The following SLC31A1 variants were observed in gnomAD, a reference collection of about 807,000 sequenced individuals.
The protein encoded by SLC31A1 is high affinity copper uptake protein 1.
SLC31A1 carries 5 observed loss-of-function variants against 17.2 expected under a neutral mutation model. The ratio of observed to expected loss-of-function variants is 0.29; its 90% CI spans 0.15 to 0.61. The LOEUF (loss-of-function observed/expected upper bound fraction) is 0.61. SLC31A1 is among the 20% of genes least tolerant of loss of function. The probability of loss-of-function intolerance (pLI) is 0.86; values close to 1 mark genes in which losing one functional copy is unlikely to be tolerated. For synonymous variants in SLC31A1, 76 were observed against 78.8 expected (o/e 0.96, Z 0.19); for missense variants, 161 against 241.4 (o/e 0.67, Z 2.21).
intron 1 of SLC31A1, among the ~76,000 whole-genome samples, chr9:113,235,297 T>G (rs1831444570): frequency 6.6e-6 from 1 of 152,166 alleles, no homozygotes; most frequent in Non-Finnish European, 1.5e-5. Flanking sequence ...CCAGAATGGC[T>G]AAAATTAAGT....
intron 1 of SLC31A1, among the ~76,000 whole-genome samples, chr9:113,223,935 A>G (rs1203046225): frequency 6.6e-6 from 1 of 152,240 alleles, no homozygotes; most frequent in African/African-American, 2.4e-5. Context: ...ACTTAGGGCC[A>G]TTAGTTGGTT....
intron 1 of SLC31A1, among the ~76,000 whole-genome samples, chr9:113,248,835 G>C (rs1831614268): frequency 6.6e-6 from 1 of 152,048 alleles, no homozygotes; most frequent in Non-Finnish European, 1.5e-5. Context: ...GACAAGTCAA[G>C]GGTTGTCTTA....
At chr9:113,244,155 C>CAAAAAA (rs1200835310) in intron 1 of SLC31A1, among the ~76,000 whole-genome samples, 9 of 41,262 alleles carry the variant, frequency 2.2e-4, no homozygotes, top group South Asian at 1.1e-3. Flanking sequence ...AACTCCATCT[C>CAAAAAA]AAAAAAAAAA....
intron 1 of SLC31A1, among the ~76,000 whole-genome samples, chr9:113,233,457 G>A (rs542745035): frequency 3.9e-5 from 6 of 152,268 alleles, no homozygotes; most frequent in Admixed American, 2.0e-4. Context: ...TCAGCAAAAC[G>A]GTGTACTTCC....
Position 113,261,702 on chromosome 9 carries a change from C to T in SLC31A1, c.*1229C>T, listed in dbSNP as rs956660729. On this transcript the variant is annotated 3_prime_UTR_variant, in exon 5 of 5. Transcript: ENST00000374212. ...ATCACCTGTAGGGCTTGTTAAAACA[C>T]TAATTGCTGGGCCTCAACCCAAAAG... is the stretch of plus-strand genomic sequence containing the variant. The T allele has an allele frequency of 2.0e-5, 3 of 152,492 alleles. No homozygotes were observed. Among genetic ancestry groups the T allele is most frequent in the Non-Finnish European group, 4.4e-5 (3 of 68,034 alleles). 9.4% of individuals were successfully genotyped at this position (152,492 alleles called of 1,614,324 possible). A position where few individuals can be genotyped will look rare whatever the true frequency, so the allele number is the denominator to read the frequency against.
At position 113,240,620 on chromosome 9, in the gene SLC31A1, G is replaced by T. The variant is rs567679172; in HGVS notation, c.-35-15494G>T. ...TGTTTTAGCTTTATCCTTAATTCTG[G>T]CACATTTTTGTGCATGATAAATGTT... On this transcript the variant is annotated intron_variant, in intron 1 of 4. Coordinates refer to ENST00000374212, the MANE Select transcript of SLC31A1 (RefSeq NM_001859.4). Among the ~76,000 whole-genome samples the T allele has an allele frequency of 5.5e-4, 83 of 152,130 alleles. 1 individual carries two copies. In the South Asian group the frequency reaches 0.017, roughly 32 times the overall value.
intron 1 of SLC31A1, among the ~76,000 whole-genome samples, chr9:113,243,931 A>G (rs544598921): frequency 6.6e-6 from 1 of 152,268 alleles, no homozygotes; most frequent in Admixed American, 6.5e-5. Context: ...AGGCAGGCAG[A>G]TCACCTGAGG....
intron 1 of SLC31A1, among the ~76,000 whole-genome samples, chr9:113,251,234 C>A (rs1831648511): frequency 6.6e-6 from 1 of 152,156 alleles, no homozygotes; most frequent in East Asian, 1.9e-4. Flanking sequence ...ACCAGCCTTG[C>A]CAACATGGTG....
At chr9:113,232,846 A>G (rs1451363871) in intron 1 of SLC31A1, among the ~76,000 whole-genome samples, 2 of 150,956 alleles carry the variant, frequency 1.3e-5, no homozygotes, top group Non-Finnish European at 3.0e-5. Context: ...CTCTGTCTCA[A>G]AAAAAAAAGA....
intron 1 of SLC31A1, among the ~76,000 whole-genome samples, chr9:113,236,027 G>C (rs1485861867): frequency 2.6e-5 from 4 of 152,108 alleles, no homozygotes; most frequent in Non-Finnish European, 1.5e-5. Flanking sequence ...TTGCTGTGTC[G>C]CCCAGGCTAG....
intron 1 of SLC31A1, among the ~76,000 whole-genome samples, chr9:113,242,200 A>AC (rs1831528935): frequency 6.6e-6 from 1 of 152,186 alleles, no homozygotes; most frequent in African/African-American, 2.4e-5. Flanking sequence ...AAAAAAAAAA[A>AC]CTAGACGTTG....
intron 1 of SLC31A1, among the ~76,000 whole-genome samples, chr9:113,233,750 A>G (rs1292602586): frequency 6.6e-6 from 1 of 152,184 alleles, no homozygotes; most frequent in Admixed American, 6.5e-5. Context: ...AAACAAATGC[A>G]TTATTTTAGT....
intron 1 of SLC31A1, among the ~76,000 whole-genome samples, chr9:113,235,465 A>C (rs879351787): frequency 1.3e-5 from 2 of 152,262 alleles, no homozygotes; most frequent in Non-Finnish European, 2.9e-5. Context: ...AAAGGAAACT[A>C]TAGAGCAATG....
chr9:113,232,245 A>G (rs1831409320), intron 1 of SLC31A1, among the ~76,000 whole-genome samples: 1 of 152,224 alleles, frequency 6.6e-6, no homozygotes, highest in Non-Finnish European at 1.5e-5. Context: ...ACAAAAACCT[A>G]GTATAATGTA....
intron 1 of SLC31A1, among the ~76,000 whole-genome samples, chr9:113,230,061 G>T (rs2118985163): frequency 1.3e-5 from 2 of 152,332 alleles, no homozygotes; most frequent in African/African-American, 4.8e-5. Context: ...TACAATTTAT[G>T]TAGGGAGTGA....
At chr9:113,244,326 C>T (rs1321893487) in intron 1 of SLC31A1, among the ~76,000 whole-genome samples, 1 of 152,102 alleles carries the variant, frequency 6.6e-6, no homozygotes, top group Non-Finnish European at 1.5e-5. Flanking sequence ...GTAGTTTTCT[C>T]CTTTATGTCT....
chr9:113,225,095 G>T (rs1831326387), intron 1 of SLC31A1, among the ~76,000 whole-genome samples: 1 of 152,152 alleles, frequency 6.6e-6, no homozygotes, highest in Non-Finnish European at 1.5e-5. Context: ...AAGCACAACT[G>T]GCATAAATAG....
intron 1 of SLC31A1, among the ~76,000 whole-genome samples, chr9:113,234,895 C>T (rs550945081): frequency 3.3e-5 from 5 of 152,254 alleles, no homozygotes; most frequent in East Asian, 1.9e-4. Flanking sequence ...CCCAGTTTTA[C>T]GTGTACTTAT....
At position 113,263,458 on chromosome 9, in the gene SLC31A1, A is replaced by G. The variant is rs1231301395; in HGVS notation, c.*2985A>G. 1 of 152,636 alleles carries G rather than the reference A, an allele frequency of 6.6e-6. No individual in the cohort carries two copies. The highest frequency in any genetic ancestry group is 1.5e-5 in the Non-Finnish European group (1 of 68,046). The allele number at this position is 152,636 out of a possible 1,614,324, so 9.5% of individuals were successfully genotyped here. On this transcript the variant is annotated 3_prime_UTR_variant, in exon 5 of 5. Transcript: ENST00000374212. ...TGACTTCTTTGTTCATTTTGGATCT[A>G]AACTTCTCTTTTCTTCCTTCCCCAT...
Sources: allele counts gnomAD v4.1 joint callset (sites outside exome capture counted in the v4.1 genomes callset), GRCh38; gene constraint gnomAD v4.1.1; transcripts MANE v1.5; gene names NCBI Gene and HGNC (gene_info 2026-07-23, HGNC 2026-07-21).